The following HELLS variants were observed in gnomAD, a reference collection of about 807,000 sequenced individuals.
The protein encoded by HELLS is lymphoid-specific helicase.
Under a neutral mutation model 120.0 loss-of-function variants are expected in HELLS, and 32 were observed. That is an observed-to-expected ratio of 0.27 (90% CI 0.20 to 0.36). The LOEUF is 0.36. Ranked by LOEUF, HELLS falls within the 10% of genes least tolerant of loss-of-function variation. The pLI is 1.00. For synonymous variants in HELLS, 341 were observed against 323.4 expected (o/e 1.05, Z -0.58); for missense variants, 650 against 993.4 (o/e 0.65, Z 4.65).
At position 94,562,843 on chromosome 10, in the gene HELLS, A is replaced by G; in HGVS notation, c.402A>G (p.Glu134=). ...VMRKKRGRED[E]SYNISEVMSK... is the part of the protein sequence containing the mutation. ...GGAAAAAAAGAGGAAGAGAAGATGA[A>G]TCATACAATATTTCAGAGGTCATGT... Residue 134 remains glutamate (E), a synonymous_variant, in exon 6 of 22, where the codon GAA becomes GAG. Coordinates refer to ENST00000348459, the MANE Select transcript of HELLS (RefSeq NM_018063.5). 6.3e-7 allele frequency: 1 copy of G among 1,580,804 alleles called. No homozygotes were observed. Among genetic ancestry groups the G allele is most frequent in the African/African-American group, 1.4e-5 (1 of 73,954 alleles).
intron 4 of HELLS, among the ~76,000 whole-genome samples, chr10:94,561,048 T>C (rs1427634777): frequency 1.3e-5 from 2 of 149,414 alleles, no homozygotes; most frequent in Non-Finnish European, 3.0e-5. Flanking sequence ...AGAGCAAGAC[T>C]CTGTCTCAAA....
chr10:94,554,091 G>C (rs766124607), intron 2 of HELLS, 35 bp from the exon 3 acceptor site: 1 of 1,515,260 alleles, frequency 6.6e-7, no homozygotes, highest in South Asian at 1.4e-5. Flanking sequence ...ATGTCAGAAA[G>C]TGTTCATAAT....
At chr10:94,588,700 C>A (rs1845304076) in intron 13 of HELLS, among the ~76,000 whole-genome samples, 2 of 152,108 alleles carry the variant, frequency 1.3e-5, no homozygotes, top group South Asian at 4.1e-4. Flanking sequence ...GTTTTAAGGT[C>A]CCCTTGTTCA....
intron 2 of HELLS, 26 bp from the exon 3 acceptor site, chr10:94,554,100 A>C (rs766960365): frequency 1.3e-6 from 2 of 1,544,830 alleles, no homozygotes; most frequent in Non-Finnish European, 1.7e-6. Flanking sequence ...AGTGTTCATA[A>C]TTATGGAAAT....
chr10:94,589,085 T>A (rs1589754474), intron 13 of HELLS, among the ~76,000 whole-genome samples: 1 of 152,004 alleles, frequency 6.6e-6, no homozygotes, highest in South Asian at 2.1e-4. Context: ...GAGACGGAGG[T>A]TGTGGTGAGC....
intron 6 of HELLS, among the ~76,000 whole-genome samples, chr10:94,564,604 G>A (rs942757556): frequency 1.3e-5 from 2 of 151,868 alleles, no homozygotes; most frequent in African/African-American, 4.8e-5. Flanking sequence ...TGTTTTTAAT[G>A]TGTCACATTC....
At chr10:94,600,744 A>C (rs1845995308) in intron 21 of HELLS, among the ~76,000 whole-genome samples, 1 of 152,228 alleles carries the variant, frequency 6.6e-6, no homozygotes, top group South Asian at 2.1e-4. Flanking sequence ...AAAGACAAGA[A>C]AATATATTTA....
intron 15 of HELLS, 56 bp downstream of exon 15, chr10:94,590,832 T>G: frequency 1.0e-6 from 1 of 989,570 alleles, no homozygotes; most frequent in Non-Finnish European, 1.5e-6. Context: ...TTTATATTGG[T>G]GGAAAGTGTT....
At position 94,574,815 on chromosome 10, in the gene HELLS, G is replaced by C. The variant is rs915344824; in HGVS notation, c.888+79G>C. 2.1e-5 allele frequency: 24 copies of C among 1,145,444 alleles called. 1 individual carries two copies. The South Asian group carries it at 2.9e-4, about 14-fold the overall frequency. The allele number at this position is 1,145,444 out of a possible 1,614,324, so 71.0% of individuals were successfully genotyped here. On this transcript the variant is annotated intron_variant, in intron 9 of 21. Transcript: ENST00000348459. ...TTGTTGTAGTAGGAATTAAATTGTA[G>C]AACTCTTATAATTATATTGGTTTCT...
intron 2 of HELLS, among the ~76,000 whole-genome samples, 171 bp downstream of exon 2, chr10:94,546,669 A>G (rs1402181215): frequency 6.6e-6 from 1 of 152,074 alleles, no homozygotes; most frequent in African/African-American, 2.4e-5. Context: ...GCCTTTGAGA[A>G]TCCTTTCGCA....
chr10:94,586,589 C>G (rs932988919), intron 12 of HELLS, among the ~76,000 whole-genome samples: 1 of 152,054 alleles, frequency 6.6e-6, no homozygotes, highest in East Asian at 1.9e-4. Flanking sequence ...GTCCAGAGTC[C>G]TGAAAATGAG....
chr10:94,554,370 C>A, intron 3 of HELLS, 122 bp downstream of exon 3: 1 of 640,424 alleles, frequency 1.6e-6, no homozygotes, highest in South Asian at 3.0e-5. Context: ...TGAGTTTTGA[C>A]TAGTAAATAT....
intron 4 of HELLS, 143 bp from the exon 5 acceptor site, chr10:94,562,548 T>G (rs1843608926): frequency 3.7e-6 from 2 of 537,832 alleles, no homozygotes; most frequent in Non-Finnish European, 6.6e-6. Context: ...AAATATTACA[T>G]GTAGGTAAGT....
rs142002265 is a variant in HELLS, at chr10:94,566,177, C to T, written c.435+3301C>T. 6.9e-3 allele frequency among the ~76,000 whole-genome samples: 1,056 copies of T among 152,130 alleles called. 48 individuals carry two copies. Among genetic ancestry groups the T allele is most frequent in the Admixed American group, 0.061 (931 of 15,280 alleles). ...GATTACAGGTCTGAGCCACTGTGTCCGGTTGGGAATTGGATGTTTATACAC... is the reference window on the plus strand; with the variant it reads ...GATTACAGGTCTGAGCCACTGTGTCTGGTTGGGAATTGGATGTTTATACAC... On this transcript the variant is annotated intron_variant, in intron 6 of 21. Transcript: ENST00000348459.
At chr10:94,548,024 G>A (rs746333816) in intron 2 of HELLS, among the ~76,000 whole-genome samples, 15 of 152,214 alleles carry the variant, frequency 9.9e-5, no homozygotes, top group Admixed American at 8.5e-4. Flanking sequence ...CTCATTCTTT[G>A]AATTTTCATA....
chr10:94,571,434 G>A lies in HELLS; in HGVS notation c.477+5G>A. The stretch of plus-strand genomic sequence containing the variant: ...AAAAATAAAAAGGAGAATGAGGTAA[G>A]AAATTTATAATGTAAGATTAAGTTT... On this transcript the variant is annotated splice_donor_5th_base_variant and intron_variant, in intron 7 of 21. Coordinates refer to ENST00000348459, the MANE Select transcript of HELLS (RefSeq NM_018063.5). The A allele has an allele frequency of 6.7e-7, 1 of 1,496,512 alleles. No homozygotes were observed. The highest frequency in any genetic ancestry group is 9.2e-7 in the Non-Finnish European group (1 of 1,086,226). 92.7% of individuals were successfully genotyped at this position (1,496,512 alleles called of 1,614,324 possible).
At chr10:94,591,617 C>A (rs1187660982) in intron 15 of HELLS, among the ~76,000 whole-genome samples, 1 of 152,186 alleles carries the variant, frequency 6.6e-6, no homozygotes, top group Non-Finnish European at 1.5e-5. Context: ...TCACTTCCCT[C>A]AGTTATGACA....
chr10:94,546,180 A>G (rs1368207264), intron 1 of HELLS, among the ~76,000 whole-genome samples, 197 bp from the exon 2 acceptor site: 1 of 152,250 alleles, frequency 6.6e-6, no homozygotes, highest in East Asian at 1.9e-4. Context: ...GAGCATCCCG[A>G]GTTGTAAACT....
At chr10:94,547,632 T>G (rs1206669881) in intron 2 of HELLS, among the ~76,000 whole-genome samples, 1 of 152,226 alleles carries the variant, frequency 6.6e-6, no homozygotes, top group Non-Finnish European at 1.5e-5. Flanking sequence ...TTATTACTAT[T>G]ACTGCTATTA....
Sources: allele counts gnomAD v4.1 joint callset (sites outside exome capture counted in the v4.1 genomes callset), GRCh38; gene constraint gnomAD v4.1.1; transcripts MANE v1.5; gene names NCBI Gene and HGNC (gene_info 2026-07-23, HGNC 2026-07-21).